The following APBA2 variants were observed in gnomAD, a reference collection of about 807,000 sequenced individuals.
The protein encoded by APBA2 is amyloid beta precursor protein binding family A member 2, also known as amyloid-beta A4 precursor protein-binding family A member 2.
In APBA2, 30 loss-of-function variants were observed where a neutral mutation model predicts 75.0. That is an observed-to-expected ratio of 0.40 (90% CI 0.30 to 0.54). APBA2 has a LOEUF of 0.54. Among genes scored for constraint, APBA2 ranks in the 20% least tolerant of loss-of-function variants. The pLI is 0.49. For synonymous variants in APBA2, 444 were observed against 409.6 expected (o/e 1.08, Z -1.01); for missense variants, 801 against 1,016.1 (o/e 0.79, Z 2.88).
At chr15:29,056,664 T>TC in intron 4 of APBA2, among the ~76,000 whole-genome samples, 2 of 123,976 alleles carry the variant, frequency 1.6e-5, no homozygotes, top group Middle Eastern at 8.1e-3. Context: ...TCTCTCTCTC[T>TC]TTCTTTCTTT....
intron 13 of APBA2, among the ~76,000 whole-genome samples, chr15:29,111,837 G>A (rs1351830361): frequency 1.3e-5 from 2 of 152,162 alleles, no homozygotes; most frequent in Non-Finnish European, 2.9e-5. Context: ...CTGCCCAGCC[G>A]GGACCTCCAG....
At chr15:28,972,281 G>A (rs1030718737) in intron 2 of APBA2, among the ~76,000 whole-genome samples, 4 of 152,096 alleles carry the variant, frequency 2.6e-5, no homozygotes, top group African/African-American at 9.7e-5. Flanking sequence ...CAATGGAACA[G>A]AACTAAAAAT....
chr15:29,014,673 C>T (rs80299532), intron 3 of APBA2, among the ~76,000 whole-genome samples: 1,516 of 150,448 alleles, frequency 0.01, 26 homozygotes, highest in African/African-American at 0.035. Flanking sequence ...TGAGCTCACC[C>T]GTCTGCAGAT....
intron 11 of APBA2, 71 bp downstream of exon 11, chr15:29,105,629 A>T (rs1294542940): frequency 6.4e-7 from 1 of 1,569,880 alleles, no homozygotes; most frequent in Non-Finnish European, 8.7e-7. Flanking sequence ...CTGCAGAGCG[A>T]GCCTTCCCGG....
chr15:29,110,984 G>T (rs2044696569), intron 13 of APBA2, among the ~76,000 whole-genome samples: 1 of 152,134 alleles, frequency 6.6e-6, no homozygotes, highest in Non-Finnish European at 1.5e-5. Context: ...GGTCCGAGTG[G>T]CCAGGAAGCT....
intron 3 of APBA2, among the ~76,000 whole-genome samples, chr15:29,018,144 G>A (rs1014670198): frequency 5.9e-5 from 9 of 152,164 alleles, no homozygotes; most frequent in Non-Finnish European, 1.3e-4. Flanking sequence ...CTGTTAGATT[G>A]GGGTCTGCAT....
At chr15:29,104,379 G>A (rs1238689556) in intron 10 of APBA2, among the ~76,000 whole-genome samples, 3 of 152,198 alleles carry the variant, frequency 2.0e-5, no homozygotes, top group Non-Finnish European at 2.9e-5. Flanking sequence ...GCGCTCCCAG[G>A]GCTGCACAGC....
chr15:29,096,293 T>C (rs1490911091), intron 8 of APBA2, among the ~76,000 whole-genome samples: 2 of 152,152 alleles, frequency 1.3e-5, no homozygotes, highest in Non-Finnish European at 2.9e-5. Flanking sequence ...ATGGGTGTCC[T>C]CTCCCTGCCC....
chr15:29,038,005 T>C lies in APBA2; in HGVS notation c.-40-15840T>C, dbSNP rs147471172. Among the ~76,000 whole-genome samples, 507 of 152,358 alleles carry C rather than the reference T, an allele frequency of 3.3e-3. 2 individuals carry two copies. The highest frequency in any genetic ancestry group is 6.1e-3 in the Non-Finnish European group (412 of 68,040). ...TTTCCACATGAGTATTGGCAGGGACTTCTGAACCATAGCAGAGGGACTGCC... is the reference window on the plus strand; with the variant it reads ...TTTCCACATGAGTATTGGCAGGGACCTCTGAACCATAGCAGAGGGACTGCC... On this transcript the variant is annotated intron_variant, in intron 3 of 14. Transcript: ENST00000683413.
intron 2 of APBA2, among the ~76,000 whole-genome samples, chr15:28,934,925 T>C (rs1291588229): frequency 1.3e-5 from 2 of 152,186 alleles, no homozygotes; most frequent in Non-Finnish European, 2.9e-5. Context: ...GACCTGGGTG[T>C]CCTCTGCTCT....
rs1050746521 is a variant in APBA2 at position 28,953,512 on chromosome 15, C to T, written c.-95+31763C>T. On this transcript the variant is annotated intron_variant, in intron 2 of 14. Coordinates refer to ENST00000683413, the MANE Select transcript of APBA2 (RefSeq NM_001353788.2). ...TGGCTTTCTCCATTTCCTCCCTTCC[C>T]GTTCTCTCTTATACCCGCTCCAGTC... 3.9e-5 allele frequency among the ~76,000 whole-genome samples: 6 copies of T among 152,206 alleles called. No homozygotes were observed. The East Asian group carries it at 5.8e-4, about 15-fold the overall frequency.
At chr15:28,899,497 C>T (rs138159618) in intron 1 of APBA2, among the ~76,000 whole-genome samples, 23 of 152,348 alleles carry the variant, frequency 1.5e-4, no homozygotes, top group African/African-American at 5.3e-4. Flanking sequence ...ACAGCCATGG[C>T]GTGGGTTCAC....
chr15:29,005,720 C>T (rs971833196), intron 3 of APBA2, among the ~76,000 whole-genome samples: 7 of 152,082 alleles, frequency 4.6e-5, no homozygotes, highest in Admixed American at 1.3e-4. Context: ...CAAAAATTGC[C>T]TGTCGTGGTG....
At chr15:29,036,794 C>A (rs534284089) in intron 3 of APBA2, among the ~76,000 whole-genome samples, 1 of 152,238 alleles carries the variant, frequency 6.6e-6, no homozygotes, top group Non-Finnish European at 1.5e-5. Flanking sequence ...CTGAGGCAGG[C>A]AGATTGCTTG....
At chr15:28,886,557 CG>C (rs199596682) in intron 1 of APBA2, among the ~76,000 whole-genome samples, 7,747 of 151,248 alleles carry the variant, frequency 0.051, 624 homozygotes, top group African/African-American at 0.17. Flanking sequence ...GCATCCCGCG[CG>C]GGGGGCACCG....
chr15:28,954,189 T>C lies in APBA2; in HGVS notation c.-95+32440T>C, dbSNP rs1003095536. Among the ~76,000 whole-genome samples the C allele has an allele frequency of 9.8e-5, 15 of 152,328 alleles. 1 individual carries two copies. Among genetic ancestry groups the C allele is most frequent in the African/African-American group, 3.1e-4 (13 of 41,578 alleles). ...ACCGCTGCCGTGCGATGAGAGCCTG[T>C]CATCTCCTTGCTAGATTGCTGTGCC... On this transcript the variant is annotated intron_variant, in intron 2 of 14. Coordinates refer to ENST00000683413, the MANE Select transcript of APBA2 (RefSeq NM_001353788.2).
chr15:29,065,197 C>T (rs1481324228), intron 4 of APBA2, among the ~76,000 whole-genome samples: 1 of 152,136 alleles, frequency 6.6e-6, no homozygotes, highest in East Asian at 1.9e-4. Context: ...TGACACCTGG[C>T]ATCATGCCTC....
At chr15:28,898,086 G>A (rs916754374) in intron 1 of APBA2, among the ~76,000 whole-genome samples, 2 of 152,138 alleles carry the variant, frequency 1.3e-5, no homozygotes, top group South Asian at 2.1e-4. Context: ...ACTGGACAGG[G>A]CCAGGTAAAG....
intron 2 of APBA2, among the ~76,000 whole-genome samples, chr15:28,932,414 C>T (rs373308999): frequency 1.3e-5 from 2 of 152,294 alleles, no homozygotes; most frequent in South Asian, 2.1e-4. Context: ...TAGAGACCCT[C>T]TCCTCTGAGC....
Sources: allele counts gnomAD v4.1 joint callset (sites outside exome capture counted in the v4.1 genomes callset), GRCh38; gene constraint gnomAD v4.1.1; transcripts MANE v1.5; gene names NCBI Gene and HGNC (gene_info 2026-07-23, HGNC 2026-07-21).